Variants in CHLSN observed in about 807,000 individuals in gnomAD.
CHLSN encodes the protein protein cholesin.
the CHLSN span, among the ~76,000 whole-genome samples, chr7:992,670 C>T: frequency 2.0e-5 from 3 of 152,256 alleles, no homozygotes; most frequent in African/African-American, 2.4e-5. Flanking sequence ...GGAAGCCGGC[C>T]TCACTCTGGG....
the CHLSN span, among the ~76,000 whole-genome samples, chr7:1,049,070 G>A: frequency 1.3e-5 from 2 of 152,312 alleles, no homozygotes; most frequent in East Asian, 1.9e-4. Flanking sequence ...CCAGGCCTCC[G>A]CGGTCTGACC....
chr7:1,021,607 G>A, the CHLSN span: 1 of 970,934 alleles, frequency 1.0e-6, no homozygotes, highest in Non-Finnish European at 1.2e-6. Context: ...GGATGGGAGA[G>A]GGACAATCTG....
the CHLSN span, chr7:1,057,716 C>T: frequency 1.3e-6 from 1 of 776,144 alleles, no homozygotes; most frequent in South Asian, 1.3e-5. Context: ...TGTACTTTGT[C>T]AACATGGCAG....
the CHLSN span, among the ~76,000 whole-genome samples, chr7:1,112,922 AT>A: frequency 6.6e-6 from 1 of 152,156 alleles, no homozygotes; most frequent in Non-Finnish European, 1.5e-5. Context: ...GCTCAGGCAT[AT>A]TTACAGAGCT....
At chr7:1,117,991 C>T in the CHLSN span, among the ~76,000 whole-genome samples, 2 of 152,206 alleles carry the variant, frequency 1.3e-5, no homozygotes, top group Admixed American at 6.5e-5. Context: ...GGAAGCCCAT[C>T]GTTCCTGCTA....
chr7:997,838 G>A, the CHLSN span: 17 of 1,548,448 alleles, frequency 1.1e-5, no homozygotes, highest in South Asian at 3.5e-5. Context: ...GGTCAGGGGC[G>A]GGGCAGGGAG....
chr7:1,080,505 C>T, the CHLSN span, among the ~76,000 whole-genome samples: 20 of 152,272 alleles, frequency 1.3e-4, no homozygotes, highest in South Asian at 1.7e-3. Context: ...AGAGTGCAGC[C>T]GCACGGCCGC....
the CHLSN span, among the ~76,000 whole-genome samples, chr7:1,099,236 G>A: frequency 1.3e-4 from 19 of 148,422 alleles, no homozygotes; most frequent in African/African-American, 4.0e-4. Flanking sequence ...CCGGAGCCTC[G>A]CTGTCGCGTT....
the CHLSN span, chr7:987,397 C>T: frequency 1.2e-4 from 187 of 1,594,946 alleles, no homozygotes; most frequent in Non-Finnish European, 1.4e-4. Flanking sequence ...GCGGACTCCC[C>T]GGCTGGAGGA....
the CHLSN span, among the ~76,000 whole-genome samples, chr7:1,099,121 G>A: frequency 2.2e-5 from 3 of 136,606 alleles, no homozygotes; most frequent in African/African-American, 8.3e-5. Flanking sequence ...TCGCTGTCGC[G>A]TTCCTGCAGC....
chr7:1,011,225 CCCACAGACACCCACAT>C, the CHLSN span, among the ~76,000 whole-genome samples: 2 of 147,752 alleles, frequency 1.4e-5, no homozygotes, highest in South Asian at 2.1e-4. Context: ...CATACCCACA[CCCACAGACACCCACAT>C]ACCCACCCAC....
chr7:1,129,421 G>A, the CHLSN span, among the ~76,000 whole-genome samples: 19 of 98,646 alleles, frequency 1.9e-4, 2 homozygotes, highest in African/African-American at 9.0e-4. Context: ...GCGCCATCTC[G>A]GCTCATCCCA....
At chr7:1,114,497 G>A in the CHLSN span, among the ~76,000 whole-genome samples, 3 of 152,242 alleles carry the variant, frequency 2.0e-5, no homozygotes, top group African/African-American at 4.8e-5. Context: ...TCAAGTCCCC[G>A]GCAGCCTCTG....
the CHLSN span, among the ~76,000 whole-genome samples, chr7:1,070,739 TATGCACAC>T: frequency 5.3e-5 from 7 of 131,240 alleles, no homozygotes; most frequent in East Asian, 1.6e-3. Context: ...TGCACGCACA[TATGCACAC>T]AACGCACGCA....
At chr7:1,114,841 AG>A in the CHLSN span, among the ~76,000 whole-genome samples, 2 of 152,238 alleles carry the variant, frequency 1.3e-5, no homozygotes, top group Non-Finnish European at 2.9e-5. Flanking sequence ...GGGGAGGTGG[AG>A]GGGCTCGCAG....
chr7:1,030,698 AGGCAGGCGGGGACTCTCTCTCTCCCGG>A, the CHLSN span, among the ~76,000 whole-genome samples: 25 of 151,586 alleles, frequency 1.6e-4, no homozygotes, highest in South Asian at 3.6e-3. Context: ...CTCTCTCCCC[AGGCAGGCGGGGACTCTCTCTCTCCCGG>A]GGCAGGGGGG....
At chr7:1,089,300 A>C in the CHLSN span, among the ~76,000 whole-genome samples, 3 of 152,262 alleles carry the variant, frequency 2.0e-5, no homozygotes, top group African/African-American at 7.2e-5. Flanking sequence ...AGCTAAGTGA[A>C]GGTTATTCAG....
At chr7:997,426 A>C in the CHLSN span, 2 of 525,706 alleles carry the variant, frequency 3.8e-6, no homozygotes, top group South Asian at 5.7e-5. Flanking sequence ...TCACCGGCCA[A>C]GGAGGGTCTG....
chr7:983,874 C>T, the CHLSN span, among the ~76,000 whole-genome samples: 80 of 152,348 alleles, frequency 5.3e-4, no homozygotes, highest in African/African-American at 1.8e-3. Flanking sequence ...TACGGGGACA[C>T]GGCACGGGGC....
Sources: allele counts gnomAD v4.1 joint callset (sites outside exome capture counted in the v4.1 genomes callset), GRCh38; gene constraint gnomAD v4.1.1; transcripts MANE v1.5; gene names NCBI Gene and HGNC (gene_info 2026-07-23, HGNC 2026-07-21).